REXO4: variants seen among roughly 807,000 people sequenced by gnomAD.
The protein encoded by REXO4 is REX4 homolog, 3'-5' exonuclease.
Under a neutral mutation model 39.9 loss-of-function variants are expected in REXO4, and 29 were observed. The ratio of observed to expected loss-of-function variants is 0.73; its 90% CI spans 0.54 to 0.99. REXO4 has a LOEUF of 0.99. REXO4 is among the 50% of genes least tolerant of loss of function. The probability of loss-of-function intolerance (pLI) is 0.00; values close to 1 mark genes in which losing one functional copy is unlikely to be tolerated. For missense variants in REXO4, 524 were observed against 546.5 expected (o/e 0.96, Z 0.41); for synonymous variants, 184 against 206.2 (o/e 0.89, Z 0.92).
intron 7 of REXO4, 28 bp downstream of exon 7, chr9:133,407,779 C>CA (rs1838988051): frequency 1.2e-6 from 2 of 1,604,572 alleles, no homozygotes; most frequent in African/African-American, 2.7e-5. Context: ...CCCCAAACCC[C>CA]ATGAACTACC....
Position 133,414,842 on chromosome 9 carries a change from AC to A in REXO4, c.394del (p.Val132PhefsTer77). ...GKDQEASRGS[V>X]PSGSKMDRRA... Reference sequence around the variant, plus strand: ...CCTGTCCATCTTGGAACCTGAAGGAACAGAGCCCCTGCTGGCCTCCTGGTCT... The same window carrying A: ...CCTGTCCATCTTGGAACCTGAAGGAAAGAGCCCCTGCTGGCCTCCTGGTCT... On this transcript the variant is annotated frameshift_variant, in exon 2 of 8. Coordinates refer to ENST00000371942, the MANE Select transcript of REXO4 (RefSeq NM_020385.4). LOFTEE classifies it high-confidence loss of function. 1 of 1,614,120 alleles carries A rather than the reference AC, an allele frequency of 6.2e-7. No individual in the cohort carries two copies. Among genetic ancestry groups the A allele is most frequent in the Non-Finnish European group, 8.5e-7 (1 of 1,180,012 alleles).
intron 2 of REXO4, among the ~76,000 whole-genome samples, chr9:133,413,963 G>C (rs1276386460): frequency 6.6e-6 from 1 of 152,228 alleles, no homozygotes; most frequent in Non-Finnish European, 1.5e-5. Flanking sequence ...TGAACACCCA[G>C]GCAACATGAA....
Position 133,417,780 on chromosome 9 carries a change from G to A in REXO4, c.65C>T (p.Pro22Leu). ...TTTCTTCCGAGTGAGCGTCTTGACAGGACCCGGCTTAGCCACGGGGCTGCT... is the reference window on the plus strand; with the variant it reads ...TTTCTTCCGAGTGAGCGTCTTGACAAGACCCGGCTTAGCCACGGGGCTGCT... ...APSSPVAKPG[P>L]VKTLTRKKNK... Residue 22 changes from proline (P) to leucine (L), a missense_variant, in exon 1 of 8, where the codon CCT (proline) becomes CTT (leucine). Coordinates refer to ENST00000371942, the MANE Select transcript of REXO4 (RefSeq NM_020385.4). 3 of 1,611,136 alleles carry A rather than the reference G, an allele frequency of 1.9e-6. No individual in the cohort carries two copies. Among genetic ancestry groups the A allele is most frequent in the Non-Finnish European group, 2.5e-6 (3 of 1,179,888 alleles).
At chr9:133,412,271 C>T in intron 4 of REXO4, 28 bp downstream of exon 4, 5 of 1,606,752 alleles carry the variant, frequency 3.1e-6, no homozygotes, top group Non-Finnish European at 4.3e-6. Flanking sequence ...ACTTTCCCTT[C>T]TAAGTTCCTG....
chr9:133,406,636 G>A lies in REXO4; in HGVS notation c.*317C>T. 1 of 395,824 alleles carries A rather than the reference G, an allele frequency of 2.5e-6. No individual in the cohort carries two copies. Among genetic ancestry groups the A allele is most frequent in the South Asian group, 2.6e-5 (1 of 38,494 alleles). The allele number at this position is 395,824 out of a possible 1,614,324, so 24.5% of individuals were successfully genotyped here. The stretch of plus-strand genomic sequence containing the variant: ...AAGATGGGCAGTGACAGCACCGTAT[G>A]GACTGGCGGCCCACAGGCCCCAACC... On this transcript the variant is annotated 3_prime_UTR_variant, in exon 8 of 8. Transcript: ENST00000371942.
At chr9:133,417,140 T>C (rs1454081965) in intron 1 of REXO4, among the ~76,000 whole-genome samples, 2 of 152,278 alleles carry the variant, frequency 1.3e-5, no homozygotes, top group Non-Finnish European at 2.9e-5. Context: ...GCTCCCCGAG[T>C]AGCTGCGACT....
chr9:133,408,483 G>A lies in REXO4; in HGVS notation c.1074+285C>T, dbSNP rs115493186. 8.5e-3 allele frequency among the ~76,000 whole-genome samples: 1,285 copies of A among 151,644 alleles called. 14 individuals carry two copies. Among genetic ancestry groups the A allele is most frequent in the African/African-American group, 0.029 (1,210 of 41,364 alleles). ...AAAAAAAAAAAAAAGGATGAAGAAC[G>A]GCTCTGCCCTTGGCACCCTCTAGAG... is the stretch of plus-strand genomic sequence containing the variant. On this transcript the variant is annotated intron_variant, in intron 6 of 7. Coordinates refer to ENST00000371942, the MANE Select transcript of REXO4 (RefSeq NM_020385.4).
rs1196429362 is a variant in REXO4, at chr9:133,412,475, G to C, written c.734C>G (p.Ala245Gly). Residue 245 changes from alanine to glycine, a missense_variant, in exon 4 of 8, where the codon GCC (alanine) becomes GGC (glycine). By Grantham distance (60) the Ala-to-Gly change is moderately conservative. Coordinates refer to ENST00000371942, the MANE Select transcript of REXO4 (RefSeq NM_020385.4). ...QAFGGLTRAL[A>G]LDCEMVGVGP... ...CACGCCCACCATCTCACAGTCCAAG[G>C]CTAAGGCTCTTGTCAGGCTGAAGGG... 5.6e-6 allele frequency: 9 copies of C among 1,613,934 alleles called. No homozygotes were observed. Among genetic ancestry groups the C allele is most frequent in the Non-Finnish European group, 7.6e-6 (9 of 1,180,022 alleles).
rs999746553 is a variant in REXO4, at chr9:133,406,964, C to T, written c.1258G>A (p.Asp420Asn). ...PLLTAPDHCS[D>N]DA is the part of the protein sequence containing the mutation. Reference sequence around the variant, plus strand: ...GCAGGGCAGGACTGCTAGGCGTCGTCACTGCAGTGGTCTGGAGCAGTCAGC... The same window carrying T: ...GCAGGGCAGGACTGCTAGGCGTCGTTACTGCAGTGGTCTGGAGCAGTCAGC... The change falls in exon 8 of 8, where the codon GAC becomes AAC. Residue 420 changes from aspartate to asparagine, a missense_variant. By Grantham distance (23) the Asp-to-Asn change is conservative. Coordinates refer to ENST00000371942, the MANE Select transcript of REXO4 (RefSeq NM_020385.4). The T allele has an allele frequency of 1.9e-6, 3 of 1,611,630 alleles. No individual in the cohort carries two copies. Among genetic ancestry groups the T allele is most frequent in the Admixed American group, 3.3e-5 (2 of 60,032 alleles).
rs782118261 is a variant in REXO4 at position 133,414,652 on chromosome 9, G to A, written c.572+13C>T. 1.9e-6 allele frequency: 3 copies of A among 1,611,612 alleles called. No individual in the cohort carries two copies. Among genetic ancestry groups the A allele is most frequent in the South Asian group, 2.2e-5 (2 of 91,038 alleles). The stretch of plus-strand genomic sequence containing the variant: ...GTGCCTCGGTTCTCAGTGGTGAGGT[G>A]GCCCATACTTACTCGGTGGGTGGGG... On this transcript the variant is annotated intron_variant, in intron 2 of 7. Coordinates refer to ENST00000371942, the MANE Select transcript of REXO4 (RefSeq NM_020385.4).
chr9:133,415,337 T>C (rs1839515534), intron 1 of REXO4, among the ~76,000 whole-genome samples: 1 of 152,076 alleles, frequency 6.6e-6, no homozygotes, highest in African/African-American at 2.4e-5. Context: ...ACTTCCCTTT[T>C]CAGCTTATCT....
rs1554778841 is a variant in REXO4, at chr9:133,406,629, A to G, written c.*324T>C. 3 of 368,076 alleles carry G rather than the reference A, an allele frequency of 8.2e-6. No homozygotes were observed. 22.8% of individuals were successfully genotyped at this position (368,076 alleles called of 1,614,324 possible). A position where few individuals can be genotyped will look rare whatever the true frequency, so the allele number is the denominator to read the frequency against. ...GTCACCGAAGATGGGCAGTGACAGC[A>G]CCGTATGGACTGGCGGCCCACAGGC... is the stretch of plus-strand genomic sequence containing the variant. On this transcript the variant is annotated 3_prime_UTR_variant, in exon 8 of 8. Coordinates refer to ENST00000371942, the MANE Select transcript of REXO4 (RefSeq NM_020385.4).
At chr9:133,413,215 C>T (rs1045674392) in intron 2 of REXO4, among the ~76,000 whole-genome samples, 2 of 152,120 alleles carry the variant, frequency 1.3e-5, no homozygotes, top group Admixed American at 6.5e-5. Flanking sequence ...TCTCTTGTCT[C>T]AGCCTCCCTA....
chr9:133,410,514 C>A (rs1839156652), intron 5 of REXO4, among the ~76,000 whole-genome samples: 1 of 152,218 alleles, frequency 6.6e-6, no homozygotes, highest in Non-Finnish European at 1.5e-5. Flanking sequence ...ATCTGAAGAA[C>A]CAGGGGCTGC....
At chr9:133,414,378 C>T (rs1554780958) in intron 2 of REXO4, 1 of 629,218 alleles carries the variant, frequency 1.6e-6, no homozygotes, top group African/African-American at 1.8e-5. Flanking sequence ...GAAGCAGGGA[C>T]AGGCCTCATA....
At chr9:133,415,472 G>C (rs1439975274) in intron 1 of REXO4, among the ~76,000 whole-genome samples, 1 of 151,754 alleles carries the variant, frequency 6.6e-6, no homozygotes, top group Non-Finnish European at 1.5e-5. Flanking sequence ...AGGAAGGTGG[G>C]GGGTGTCATA....
At chr9:133,410,951 G>A in intron 5 of REXO4, 34 bp downstream of exon 5, 1 of 1,530,054 alleles carries the variant, frequency 6.5e-7, no homozygotes, top group African/African-American at 1.4e-5. Flanking sequence ...CACGGAGCAG[G>A]GGCAGGCTGA....
Position 133,412,506 on chromosome 9 carries a change from A to G in REXO4, c.717-14T>C. Reference sequence around the variant, plus strand: ...GCTCTTGTCAGGCTGAAGGGTAACCAAAGGCTGTAGTTTAATAAACACGGC... The same window carrying G: ...GCTCTTGTCAGGCTGAAGGGTAACCGAAGGCTGTAGTTTAATAAACACGGC... On this transcript the variant is annotated splice_polypyrimidine_tract_variant and intron_variant, in intron 3 of 7. Coordinates refer to ENST00000371942, the MANE Select transcript of REXO4 (RefSeq NM_020385.4). 6.2e-7 allele frequency: 1 copy of G among 1,613,474 alleles called. No individual in the cohort carries two copies.
chr9:133,410,022 G>T (rs782589077), intron 5 of REXO4, among the ~76,000 whole-genome samples: 1 of 152,146 alleles, frequency 6.6e-6, no homozygotes, highest in Non-Finnish European at 1.5e-5. Flanking sequence ...TGCCCGGGGG[G>T]TTCTCACCTC....
Sources: gnomAD v4.1 joint callset for allele counts (sites outside exome capture counted in the v4.1 genomes callset) on GRCh38, gnomAD v4.1.1 for gene constraint, MANE v1.5 for transcripts, NCBI Gene and HGNC (gene_info 2026-07-23, HGNC 2026-07-21) for gene names.